ATP2A1: variants seen among roughly 807,000 people sequenced by gnomAD.
ATP2A1 encodes ATPase sarcoplasmic/endoplasmic reticulum Ca2+ transporting 1.
ATP2A1 carries 83 observed loss-of-function variants against 109.5 expected under a neutral mutation model. That is an observed-to-expected ratio of 0.76 (90% CI 0.63 to 0.91). ATP2A1 has a LOEUF of 0.91. ATP2A1 is among the 40% of genes least tolerant of loss of function. The pLI is 0.00. For synonymous variants in ATP2A1, 505 were observed against 537.6 expected (o/e 0.94, Z 0.84); for missense variants, 1,101 against 1,341.0 (o/e 0.82, Z 2.80).
chr16:28,887,060 G>A (rs1596669288), intron 6 of ATP2A1, 129 bp from the exon 7 acceptor site: 3 of 881,708 alleles, frequency 3.4e-6, no homozygotes, highest in Non-Finnish European at 5.6e-6. Flanking sequence ...CCAGAGTCCA[G>A]ACATCCCCCA....
chr16:28,900,496 C>T, intron 14 of ATP2A1, 85 bp from the exon 15 acceptor site: 1 of 934,768 alleles, frequency 1.1e-6, no homozygotes, highest in Non-Finnish European at 1.5e-6. Flanking sequence ...TGACCTTTCA[C>T]CCCATCCCCA....
intron 4 of ATP2A1, 77 bp downstream of exon 4, chr16:28,881,096 C>T: frequency 7.4e-7 from 1 of 1,357,542 alleles, no homozygotes; most frequent in Non-Finnish European, 1.1e-6. Flanking sequence ...GTCTCCTCCT[C>T]CTCCATCACC....
At chr16:28,894,778 G>T in intron 11 of ATP2A1, 44 bp from the exon 12 acceptor site, 1 of 1,609,352 alleles carries the variant, frequency 6.2e-7, no homozygotes. Context: ...TGACAGGTAG[G>T]AGCCTGGGGC....
Position 28,902,474 on chromosome 16 carries a change from G to A in ATP2A1, c.2524+88G>A, listed in dbSNP as rs1964108607. 2.5e-6 allele frequency: 4 copies of A among 1,569,918 alleles called. No homozygotes were observed. The Admixed American group carries it at 6.8e-5, about 27-fold the overall frequency. On this transcript the variant is annotated intron_variant, in intron 17 of 22. Transcript: ENST00000395503. This position sits in a 1 kb window ranked among gnomAD's most constrained non-coding sequence, Gnocchi z 4.8. Reference sequence around the variant, plus strand: ...CAGCTCCCCCATGCAGGTGCTGAGAGGGTCTTCTTCCTTGGCCAGCCTGTC... The same window carrying A: ...CAGCTCCCCCATGCAGGTGCTGAGAAGGTCTTCTTCCTTGGCCAGCCTGTC...
chr16:28,887,286 G>C lies in ATP2A1; in HGVS notation c.630+12G>C. On this transcript the variant is annotated intron_variant, in intron 7 of 22. Transcript: ENST00000395503. ...ACATGCTTTTCTCGGTGAGCAATCC[G>C]GGACCAGCCATCACACACTCAGTCA... 10 of 1,613,850 alleles carry C rather than the reference G, an allele frequency of 6.2e-6. No individual in the cohort carries two copies. The highest frequency in any genetic ancestry group is 8.5e-6 in the Non-Finnish European group (10 of 1,179,922).
At position 28,882,475 on chromosome 16, in the gene ATP2A1, G is replaced by A. The variant is rs773580278; in HGVS notation, c.349G>A (p.Glu117Lys). The change falls in exon 5 of 23, where the codon GAG (glutamate) becomes AAG (lysine). Residue 117 changes from glutamate (E) to lysine (K), a missense_variant. Transcript: ENST00000395503. ...GGAGCGGAACGCAGAGAACGCCATC[G>A]AGGCCCTGAAGGAGTATGAGCCAGA... ...WQERNAENAI[E>K]ALKEYEPEMG... The A allele has an allele frequency of 9.9e-6, 16 of 1,614,056 alleles. No homozygotes were observed. The highest frequency in any genetic ancestry group is 6.7e-5 in the East Asian group (3 of 44,894).
chr16:28,878,803 G>C lies in ATP2A1; in HGVS notation c.118+14G>C, dbSNP rs767310316. 5 of 1,612,498 alleles carry C rather than the reference G, an allele frequency of 3.1e-6. No individual in the cohort carries two copies. The African/African-American group carries it at 6.7e-5, about 22-fold the overall frequency. On this transcript the variant is annotated intron_variant, in intron 1 of 22. Coordinates refer to ENST00000395503, the MANE Select transcript of ATP2A1 (RefSeq NM_004320.6). ...ACGGCCTCAATGGTAAGTGTCCCTTGGAAGAGCGGCTGGTAATTAATGCCC... is the reference window on the plus strand; with the variant it reads ...ACGGCCTCAATGGTAAGTGTCCCTTCGAAGAGCGGCTGGTAATTAATGCCC...
chr16:28,882,802 G>A (rs1173382788), intron 5 of ATP2A1, among the ~76,000 whole-genome samples: 1 of 152,206 alleles, frequency 6.6e-6, no homozygotes, highest in African/African-American at 2.4e-5. Context: ...CTGTCCCTGA[G>A]GCTGCAGGCA....
In ATP2A1 at chr16:28,882,438, C is replaced by T. The variant is rs1393733476; in HGVS notation, c.325-13C>T. 1 of 1,614,032 alleles carries T rather than the reference C, an allele frequency of 6.2e-7. No individual in the cohort carries two copies. Among genetic ancestry groups the T allele is most frequent in the Non-Finnish European group, 8.5e-7 (1 of 1,180,010 alleles). On this transcript the variant is annotated splice_polypyrimidine_tract_variant and intron_variant, in intron 4 of 22. Coordinates refer to ENST00000395503, the MANE Select transcript of ATP2A1 (RefSeq NM_004320.6). ...CTGTGTATAACCCTGCCTCCTCCACCCTGTCTCCTCAGGAGCGGAACGCAG... is the reference window on the plus strand; with the variant it reads ...CTGTGTATAACCCTGCCTCCTCCACTCTGTCTCCTCAGGAGCGGAACGCAG...
Position 28,898,817 on chromosome 16 carries a change from T to C in ATP2A1, c.1764+366T>C, listed in dbSNP as rs1963989446. Among the ~76,000 whole-genome samples, 3 of 151,994 alleles carry C rather than the reference T, an allele frequency of 2.0e-5. No homozygotes were observed. The highest frequency in any genetic ancestry group is 2.9e-5 in the Non-Finnish European group (2 of 67,998). The stretch of plus-strand genomic sequence containing the variant: ...AAAAAGTAAAATACATTTTTAAAAA[T>C]GTTAAAAGAAAAGAGATGAACTGGA... On this transcript the variant is annotated intron_variant, in intron 14 of 22. Transcript: ENST00000395503. The surrounding 1 kb of genome is among the most constrained non-coding windows in gnomAD (Gnocchi z 4.0).
At chr16:28,890,835 A>G (rs1052503015) in intron 9 of ATP2A1, among the ~76,000 whole-genome samples, 1 of 151,860 alleles carries the variant, frequency 6.6e-6, no homozygotes, top group Non-Finnish European at 1.5e-5. Flanking sequence ...ACAGGCACGC[A>G]CCATCACACC....
intron 9 of ATP2A1, among the ~76,000 whole-genome samples, chr16:28,890,895 A>G (rs1447087644): frequency 2.0e-5 from 3 of 151,840 alleles, no homozygotes; most frequent in African/African-American, 7.2e-5. Context: ...CATGTTGACC[A>G]GGCTGGTCTC....
intron 9 of ATP2A1, among the ~76,000 whole-genome samples, chr16:28,889,610 C>T (rs140562089): frequency 6.6e-6 from 1 of 152,214 alleles, no homozygotes; most frequent in African/African-American, 2.4e-5. Context: ...AATGACTTCC[C>T]CCAAGATGCA....
At position 28,879,568 on chromosome 16, in the gene ATP2A1, C is replaced by T. The variant is rs1555514590; in HGVS notation, c.204C>T (p.Ala68=). 3 of 1,614,110 alleles carry T rather than the reference C, an allele frequency of 1.9e-6. No individual in the cohort carries two copies. Among genetic ancestry groups the T allele is most frequent in the Non-Finnish European group, 2.5e-6 (3 of 1,180,024 alleles). The change falls in exon 3 of 23, where the codon GCC becomes GCT. Residue 68 remains alanine, a synonymous_variant. Coordinates refer to ENST00000395503, the MANE Select transcript of ATP2A1 (RefSeq NM_004320.6). Reference sequence around the variant, plus strand: ...TCCTGGTGCGGATTCTCCTCCTGGCCGCATGCATTTCCTTCGTAAGTGTGG... The same window carrying T: ...TCCTGGTGCGGATTCTCCTCCTGGCTGCATGCATTTCCTTCGTAAGTGTGG... ...EDLLVRILLL[A]ACISFVLAWF...
chr16:28,888,747 CCCTTG>C, intron 8 of ATP2A1, 35 bp from the exon 9 acceptor site: 1 of 1,607,614 alleles, frequency 6.2e-7, no homozygotes, highest in Middle Eastern at 1.7e-4. Context: ...TCACACCCTC[CCCTTG>C]CAGGTTCCCT....
At chr16:28,888,141 T>G (rs1305434261) in intron 8 of ATP2A1, among the ~76,000 whole-genome samples, 1 of 151,730 alleles carries the variant, frequency 6.6e-6, no homozygotes, top group Non-Finnish European at 1.5e-5. Context: ...CAAGTGATTC[T>G]TCTGCCTCTG....
chr16:28,903,602 G>C lies in ATP2A1; in HGVS notation c.2981-98G>C, dbSNP rs116760099. The C allele has an allele frequency of 8.3e-7, 1 of 1,206,828 alleles. No homozygotes were observed. Among genetic ancestry groups the C allele is most frequent in the Non-Finnish European group, 1.2e-6 (1 of 813,824 alleles). The allele number at this position is 1,206,828 out of a possible 1,614,324, so 74.8% of individuals were successfully genotyped here. On this transcript the variant is annotated intron_variant, in intron 21 of 22. Coordinates refer to ENST00000395503, the MANE Select transcript of ATP2A1 (RefSeq NM_004320.6). The surrounding 1 kb of genome is among the most constrained non-coding windows in gnomAD (Gnocchi z 5.6). The stretch of plus-strand genomic sequence containing the variant: ...CTGCGCCTGCAGGGGCCACATCTCC[G>C]GGGCAGCCCCACTGCCTCCTCAGCC...
rs1964109511 is a variant in ATP2A1, at chr16:28,902,508, CAT to C, written c.2525-71_2525-70del. On this transcript the variant is annotated intron_variant, in intron 17 of 22. Coordinates refer to ENST00000395503, the MANE Select transcript of ATP2A1 (RefSeq NM_004320.6). The surrounding 1 kb of genome is among the most constrained non-coding windows in gnomAD (Gnocchi z 4.8). ...TCCTTGGCCAGCCTGTCCATGGCCA[CAT>C]GAGGCCCTCAACCCTCGATGCCCCC... 5.7e-6 allele frequency: 9 copies of C among 1,568,828 alleles called. No individual in the cohort carries two copies. In the Middle Eastern group the frequency reaches 5.9e-4, roughly 103 times the overall value.
At chr16:28,899,643 G>GC (rs1191526677) in intron 14 of ATP2A1, among the ~76,000 whole-genome samples, 154 of 7,598 alleles carry the variant, frequency 0.02, 10 homozygotes, top group Non-Finnish European at 0.033. Flanking sequence ...CATCCCCTGC[G>GC]CCCGCCCCCC....
Sources: allele counts gnomAD v4.1 joint callset (sites outside exome capture counted in the v4.1 genomes callset), GRCh38; gene constraint gnomAD v4.1.1; non-coding constraint Gnocchi (gnomAD v3.1); transcripts MANE v1.5; gene names NCBI Gene and HGNC (gene_info 2026-07-23, HGNC 2026-07-21).